ADCY2: variants seen among roughly 807,000 people sequenced by gnomAD.
ADCY2 encodes the protein adenylate cyclase 2.
In ADCY2, 31 loss-of-function variants were observed where a neutral mutation model predicts 125.2. That is an observed-to-expected ratio of 0.25 (90% confidence interval 0.19 to 0.33). The LOEUF (loss-of-function observed/expected upper bound fraction) is 0.33, where lower values mean the gene tolerates loss of function less well. Ranked by LOEUF, ADCY2 falls within the 10% of genes least tolerant of loss-of-function variation. The pLI, the probability that ADCY2 is intolerant of heterozygous loss-of-function variation, is 1.00. For missense variants in ADCY2, 904 were observed against 1,418.2 expected (o/e 0.64, Z 5.82); for synonymous variants, 512 against 548.4 (o/e 0.93, Z 0.93).
chr5:7,462,086 A>G (rs1225609851), intron 2 of ADCY2, among the ~76,000 whole-genome samples: 1 of 152,208 alleles, frequency 6.6e-6, no homozygotes, highest in Non-Finnish European at 1.5e-5. Flanking sequence ...TTTTGATAGC[A>G]GATCATTGCT....
At chr5:7,465,884 A>G (rs373877594) in intron 2 of ADCY2, among the ~76,000 whole-genome samples, 2 of 151,846 alleles carry the variant, frequency 1.3e-5, no homozygotes, top group Admixed American at 6.6e-5. Context: ...TTTTTAACCT[A>G]TGCTTACTGA....
At chr5:7,537,347 T>C (rs1734847356) in intron 3 of ADCY2, among the ~76,000 whole-genome samples, 1 of 152,244 alleles carries the variant, frequency 6.6e-6, no homozygotes, top group African/African-American at 2.4e-5. Context: ...TCCACTTCAG[T>C]GTCCCATAAG....
chr5:7,612,754 C>T lies in ADCY2; in HGVS notation c.571-13413C>T, dbSNP rs143599768. Among the ~76,000 whole-genome samples, 1,125 of 152,244 alleles carry T rather than the reference C, an allele frequency of 7.4e-3. 12 individuals carry two copies. The highest frequency in any genetic ancestry group is 0.025 in the African/African-American group (1,059 of 41,536). ...ACACGAGGCCGGGCTTGGTGGCTCA[C>T]GCCTGTAATCCCAGCACTTTGGGAG... On this transcript the variant is annotated intron_variant, in intron 3 of 24. Transcript: ENST00000338316.
At chr5:7,454,155 G>C (rs907122068) in intron 2 of ADCY2, among the ~76,000 whole-genome samples, 3 of 152,174 alleles carry the variant, frequency 2.0e-5, no homozygotes, top group African/African-American at 7.2e-5. Flanking sequence ...GCTGTCTTCT[G>C]TAGCACCTTG....
chr5:7,566,930 G>A (rs1342759899), intron 3 of ADCY2, among the ~76,000 whole-genome samples: 1 of 152,080 alleles, frequency 6.6e-6, no homozygotes, highest in African/African-American at 2.4e-5. Context: ...TTTCAAGTCT[G>A]TCTTGACCAG....
intron 1 of ADCY2, among the ~76,000 whole-genome samples, chr5:7,406,874 T>A (rs1309050618): frequency 6.6e-6 from 1 of 152,204 alleles, no homozygotes; most frequent in Non-Finnish European, 1.5e-5. Flanking sequence ...GGTTTGCTAT[T>A]TTTCTCTGCC....
chr5:7,617,298 T>C (rs2126649708), intron 3 of ADCY2, among the ~76,000 whole-genome samples: 1 of 152,220 alleles, frequency 6.6e-6, no homozygotes, highest in East Asian at 1.9e-4. Flanking sequence ...ACCCAGTCTG[T>C]GGTCTACTGC....
chr5:7,446,767 C>T (rs1350646877), intron 2 of ADCY2, among the ~76,000 whole-genome samples: 1 of 152,144 alleles, frequency 6.6e-6, no homozygotes, highest in African/African-American at 2.4e-5. Flanking sequence ...GATACATAGT[C>T]TTGCCATGCG....
At chr5:7,619,981 A>G (rs143896083) in intron 3 of ADCY2, among the ~76,000 whole-genome samples, 1 of 152,280 alleles carries the variant, frequency 6.6e-6, no homozygotes, top group African/African-American at 2.4e-5. Flanking sequence ...ATTAATTTGT[A>G]GGAGGAACTT....
chr5:7,558,600 G>A (rs1409648014), intron 3 of ADCY2, among the ~76,000 whole-genome samples: 1 of 152,084 alleles, frequency 6.6e-6, no homozygotes. Flanking sequence ...TCTGTTGGAT[G>A]CGTAGTTTGC....
chr5:7,496,379 T>C (rs1743346911), intron 2 of ADCY2, among the ~76,000 whole-genome samples: 1 of 152,172 alleles, frequency 6.6e-6, no homozygotes, highest in Non-Finnish European at 1.5e-5. Flanking sequence ...CTTAATTCTG[T>C]TGGGTAACAC....
In ADCY2 at chr5:7,712,841, T is replaced by C; in HGVS notation, c.1579-15T>C. The C allele has an allele frequency of 6.3e-7, 1 of 1,588,930 alleles. No homozygotes were observed. Among genetic ancestry groups the C allele is most frequent in the Non-Finnish European group, 8.6e-7 (1 of 1,160,336 alleles). ...AACATGTTTTGACAATTAATAACCTTTTTTCTCAATATAGGATGTACCCAT... is the reference window on the plus strand; with the variant it reads ...AACATGTTTTGACAATTAATAACCTCTTTTCTCAATATAGGATGTACCCAT... On this transcript the variant is annotated splice_polypyrimidine_tract_variant and intron_variant, in intron 10 of 24. Coordinates refer to ENST00000338316, the MANE Select transcript of ADCY2 (RefSeq NM_020546.3).
At chr5:7,557,173 TCA>T (rs1735546636) in intron 3 of ADCY2, among the ~76,000 whole-genome samples, 2 of 97,540 alleles carry the variant, frequency 2.1e-5, no homozygotes, top group African/African-American at 6.9e-5. Context: ...TATATAATAA[TCA>T]CACATATTAT....
chr5:7,753,456 G>T (rs67453028), intron 15 of ADCY2, among the ~76,000 whole-genome samples: 18 of 152,150 alleles, frequency 1.2e-4, no homozygotes, highest in African/African-American at 4.1e-4. Flanking sequence ...CTCACAGCAG[G>T]CATTTTCTCA....
rs183668254 is a variant in ADCY2 at position 7,649,603 on chromosome 5, T to C, written c.720+23287T>C. Among the ~76,000 whole-genome samples the C allele has an allele frequency of 2.6e-3, 399 of 152,236 alleles. 1 individual carries two copies. The highest frequency in any genetic ancestry group is 4.3e-3 in the Non-Finnish European group (292 of 68,008). ...TGCCTGACCCCTCTGAAGGCCAGAG[T>C]GTACCAGGGCTTAGGTCTCCAGTCT... On this transcript the variant is annotated intron_variant, in intron 4 of 24. Coordinates refer to ENST00000338316, the MANE Select transcript of ADCY2 (RefSeq NM_020546.3).
chr5:7,826,740 G>A lies in ADCY2; in HGVS notation c.3145G>A (p.Val1049Ile), dbSNP rs79684971. ...KIQVTEETSLVLQTLGYTCTC... is the reference protein window; with the variant it reads ...KIQVTEETSLILQTLGYTCTC... ...CTAGGTTACCGAGGAGACGAGCCTC[G>A]TCCTGCAGACCCTCGGATACACGTG... The change falls in exon 25 of 25, where the codon GTC (valine) becomes ATC (isoleucine). Residue 1049 changes from valine (V) to isoleucine (I), a missense_variant. Val to Ile is a conservative substitution (Grantham distance 29). Transcript: ENST00000338316. 0.011 allele frequency: 17,843 copies of A among 1,613,878 alleles called. 288 individuals carry two copies. Among genetic ancestry groups the A allele is most frequent in the East Asian group, 0.078 (3,494 of 44,874 alleles).
chr5:7,536,947 A>G (rs547653372), intron 3 of ADCY2, among the ~76,000 whole-genome samples: 2 of 152,210 alleles, frequency 1.3e-5, no homozygotes, highest in Non-Finnish European at 2.9e-5. Context: ...ACATATTTAG[A>G]GTAAGAACAG....
intron 3 of ADCY2, among the ~76,000 whole-genome samples, chr5:7,593,509 T>C (rs893595740): frequency 2.0e-5 from 3 of 152,004 alleles, no homozygotes; most frequent in Admixed American, 6.6e-5. Flanking sequence ...CACACAGGAC[T>C]TTGTTACCAA....
chr5:7,479,425 G>A (rs920533741), intron 2 of ADCY2, among the ~76,000 whole-genome samples: 1 of 151,952 alleles, frequency 6.6e-6, no homozygotes, highest in African/African-American at 2.4e-5. Context: ...ATAAAATGGA[G>A]GAATCATTAT....
Sources: allele counts gnomAD v4.1 joint callset (sites outside exome capture counted in the v4.1 genomes callset), GRCh38; gene constraint gnomAD v4.1.1; transcripts MANE v1.5; gene names NCBI Gene and HGNC (gene_info 2026-07-23, HGNC 2026-07-21).